Variants in DNM2 observed in about 807,000 individuals in gnomAD.
The protein encoded by DNM2 is dynamin-2.
In DNM2, 15 loss-of-function variants were observed where a neutral mutation model predicts 99.0. That is an observed-to-expected ratio of 0.15 (90% CI 0.10 to 0.23). The LOEUF (loss-of-function observed/expected upper bound fraction) is 0.23. DNM2 is among the 10% of genes least tolerant of loss of function. DNM2 has a pLI of 1.00. For missense variants in DNM2, 742 were observed against 1,189.4 expected, an observed-to-expected ratio of 0.62 and a Z score of 5.53; for synonymous variants, 525 against 481.2, an observed-to-expected ratio of 1.09 and a Z score of -1.19.
intron 5 of DNM2, among the ~76,000 whole-genome samples, chr19:10,779,498 CTTTCTTTTTTTTTT>C (rs2071276572): frequency 7.3e-5 from 4 of 54,460 alleles, no homozygotes. Context: ...TTCTTTCTTT[CTTTCTTTTTTTTTT>C]TTTTTTTTTT....
chr19:10,731,138 T>C (rs556386930), intron 1 of DNM2, among the ~76,000 whole-genome samples: 1 of 152,074 alleles, frequency 6.6e-6, no homozygotes, highest in African/African-American at 2.4e-5. Context: ...TGATACGCCC[T>C]GGCACGACCA....
chr19:10,754,793 T>C (rs1236171774), intron 1 of DNM2, among the ~76,000 whole-genome samples: 1 of 152,038 alleles, frequency 6.6e-6, no homozygotes, highest in African/African-American at 2.4e-5. Context: ...GGGCTCGTTA[T>C]GTTGCCCAGG....
chr19:10,802,822 G>T (rs944992269), intron 12 of DNM2, among the ~76,000 whole-genome samples: 39 of 152,190 alleles, frequency 2.6e-4, no homozygotes, highest in African/African-American at 7.5e-4. Flanking sequence ...ATTTAAACCA[G>T]AACCTTCCGT....
intron 14 of DNM2, 150 bp downstream of exon 14, chr19:10,808,730 G>A: frequency 8.6e-6 from 8 of 928,254 alleles, no homozygotes; most frequent in Non-Finnish European, 1.3e-5. Context: ...GCCGCAGCCG[G>A]CGCTGGACTG....
intron 1 of DNM2, among the ~76,000 whole-genome samples, chr19:10,745,548 T>A (rs1045471232): frequency 1.3e-5 from 2 of 152,056 alleles, no homozygotes; most frequent in African/African-American, 2.4e-5. Context: ...ATAAAAAAAG[T>A]TAGCTGGGCG....
chr19:10,753,565 G>A (rs2070278496), intron 1 of DNM2, among the ~76,000 whole-genome samples: 1 of 151,514 alleles, frequency 6.6e-6, no homozygotes, highest in Admixed American at 6.6e-5. Flanking sequence ...GAAAGGACAG[G>A]CTCTTTTTGT....
intron 9 of DNM2, among the ~76,000 whole-genome samples, chr19:10,797,152 C>T (rs1349852710): frequency 6.6e-6 from 1 of 152,018 alleles, no homozygotes; most frequent in Non-Finnish European, 1.5e-5. Context: ...AATGACAACC[C>T]CCCGTGGCCC....
intron 1 of DNM2, among the ~76,000 whole-genome samples, chr19:10,719,143 C>T (rs1280080794): frequency 6.6e-6 from 1 of 151,840 alleles, no homozygotes; most frequent in East Asian, 1.9e-4. Flanking sequence ...CTCCTCTCTT[C>T]CGTGTGAATT....
chr19:10,726,218 CAA>C (rs1195927872), intron 1 of DNM2, among the ~76,000 whole-genome samples: 1 of 82,452 alleles, frequency 1.2e-5, no homozygotes, highest in Non-Finnish European at 2.3e-5. Flanking sequence ...GACTCTGCCT[CAA>C]AAAAAAAAAA....
intron 12 of DNM2, among the ~76,000 whole-genome samples, chr19:10,805,690 G>A (rs1001633401): frequency 1.3e-5 from 2 of 152,112 alleles, no homozygotes; most frequent in Non-Finnish European, 2.9e-5. Context: ...TTAGTAAGTC[G>A]GCTGAGATGA....
rs977101704 is a variant in DNM2, at chr19:10,811,537, G to A, written c.1558-727G>A. On this transcript the variant is annotated intron_variant, in intron 14 of 20. Coordinates refer to ENST00000389253, the MANE Select transcript of DNM2 (RefSeq NM_001005361.3). The surrounding 1 kb of genome is among the most constrained non-coding windows in gnomAD (Gnocchi z 5.4). ...GCCTGGGTCCCAGGCCGCCCTGTGCGTGCCTCCGTGTGCTTCCTGCAGCTC... is the reference window on the plus strand; with the variant it reads ...GCCTGGGTCCCAGGCCGCCCTGTGCATGCCTCCGTGTGCTTCCTGCAGCTC... 26 of 372,012 alleles carry A rather than the reference G, an allele frequency of 7.0e-5. No individual in the cohort carries two copies. The highest frequency in any genetic ancestry group is 2.3e-4 in the African/African-American group (11 of 47,312). The allele number at this position is 372,012 out of a possible 1,614,324, so 23.0% of individuals were successfully genotyped here.
At chr19:10,823,958 C>A in intron 17 of DNM2, 59 bp downstream of exon 17, 1 of 1,559,926 alleles carries the variant, frequency 6.4e-7, no homozygotes, top group Non-Finnish European at 8.8e-7. Flanking sequence ...GGAAGCAGGG[C>A]TGGCTTTCCC....
At position 10,831,077 on chromosome 19, in the gene DNM2, C is replaced by T; in HGVS notation, c.*30C>T. The T allele has an allele frequency of 6.3e-7, 1 of 1,575,404 alleles. No homozygotes were observed. Among genetic ancestry groups the T allele is most frequent in the Non-Finnish European group, 8.6e-7 (1 of 1,160,530 alleles). On this transcript the variant is annotated 3_prime_UTR_variant, in exon 21 of 21. Transcript: ENST00000389253. The surrounding 1 kb of genome is among the most constrained non-coding windows in gnomAD (Gnocchi z 4.3). ...CGAGGGGGGCGTGCTCTCGGGGGGG[C>T]CTCACGCACCCGCGGCGCAGGAGCT...
In DNM2 at chr19:10,812,027, A is replaced by G. The variant is rs1432926608; in HGVS notation, c.1558-237A>G. 1 of 513,822 alleles carries G rather than the reference A, an allele frequency of 1.9e-6. No homozygotes were observed. The highest frequency in any genetic ancestry group is 3.8e-6 in the Non-Finnish European group (1 of 264,656). 31.8% of individuals were successfully genotyped at this position (513,822 alleles called of 1,614,324 possible). A position where few individuals can be genotyped will look rare whatever the true frequency, so the allele number is the denominator to read the frequency against. On this transcript the variant is annotated intron_variant, in intron 14 of 20. Transcript: ENST00000389253. The surrounding 1 kb of genome is among the most constrained non-coding windows in gnomAD (Gnocchi z 4.0). The stretch of plus-strand genomic sequence containing the variant: ...TCAGGCCTCTGTGAGTCTATACCCC[A>G]TCAGCCCCTGGCCCAGTGAGTCTGT...
chr19:10,823,575 A>C (rs1259331850), intron 16 of DNM2: 1 of 572,476 alleles, frequency 1.7e-6, no homozygotes, highest in Non-Finnish European at 3.1e-6. Flanking sequence ...GATCCAACAG[A>C]AACAAAGAAA....
chr19:10,798,702 C>T (rs540052340), intron 11 of DNM2, 130 bp downstream of exon 11: 34 of 813,584 alleles, frequency 4.2e-5, no homozygotes, highest in Non-Finnish European at 6.0e-5. Context: ...AGAGCGGTTC[C>T]GTCACCTCCT....
At position 10,801,033 on chromosome 19, in the gene DNM2, C is replaced by T. The variant is rs570991850; in HGVS notation, c.1423-1255C>T. On this transcript the variant is annotated intron_variant, in intron 11 of 20. Coordinates refer to ENST00000389253, the MANE Select transcript of DNM2 (RefSeq NM_001005361.3). ...CGCTAAAGACTTTACAGGCTGGACACGGTGGCTCACGCCTGTAGTCCTAGC... is the reference window on the plus strand; with the variant it reads ...CGCTAAAGACTTTACAGGCTGGACATGGTGGCTCACGCCTGTAGTCCTAGC... Among the ~76,000 whole-genome samples, 10 of 152,346 alleles carry T rather than the reference C, an allele frequency of 6.6e-5. No individual in the cohort carries two copies. The East Asian group carries it at 7.7e-4, about 12-fold the overall frequency.
At chr19:10,758,627 A>C (rs2070507971) in intron 1 of DNM2, among the ~76,000 whole-genome samples, 1 of 147,288 alleles carries the variant, frequency 6.8e-6, no homozygotes, top group South Asian at 2.2e-4. Flanking sequence ...GCTCACTGCA[A>C]CCTCCGCCTC....
At chr19:10,736,877 G>T (rs533353266) in intron 1 of DNM2, among the ~76,000 whole-genome samples, 2 of 152,122 alleles carry the variant, frequency 1.3e-5, no homozygotes, top group Admixed American at 6.6e-5. Flanking sequence ...GCTGGGCGCC[G>T]TGGCTTACGC....
Sources: allele counts gnomAD v4.1 joint callset (sites outside exome capture counted in the v4.1 genomes callset), GRCh38; gene constraint gnomAD v4.1.1; non-coding constraint Gnocchi (gnomAD v3.1); transcripts MANE v1.5; gene names NCBI Gene and HGNC (gene_info 2026-07-23, HGNC 2026-07-21).